USH2A: variants seen among roughly 807,000 people sequenced by gnomAD.
USH2A encodes usherin, also known as Usher syndrome 2A (autosomal recessive, mild).
In USH2A, 443 loss-of-function variants were observed where a neutral mutation model predicts 538.9. That is an observed-to-expected ratio of 0.82 (90% confidence interval 0.76 to 0.89). The LOEUF (loss-of-function observed/expected upper bound fraction) is 0.89, where lower values mean the gene tolerates loss of function less well. Ranked by LOEUF, USH2A falls within the 40% of genes least tolerant of loss-of-function variation. The probability of loss-of-function intolerance (pLI) is 0.00; values close to 1 mark genes in which losing one functional copy is unlikely to be tolerated. For synonymous variants in USH2A, 2,413 were observed against 2,273.5 expected, an observed-to-expected ratio of 1.06 and a Z score of -1.75; for missense variants, 6,633 against 6,324.8, an observed-to-expected ratio of 1.05 and a Z score of -1.65.
intron 55 of USH2A, among the ~76,000 whole-genome samples, chr1:215,772,237 TAA>T (rs1307808029): frequency 6.6e-6 from 1 of 152,064 alleles, no homozygotes; most frequent in African/African-American, 2.4e-5. Flanking sequence ...AAGAGGGAAA[TAA>T]AGAGATGTCT....
intron 35 of USH2A, 25 bp from the exon 36 acceptor site, chr1:215,970,801 A>G (rs773775303): frequency 1.2e-6 from 2 of 1,611,230 alleles, no homozygotes; most frequent in Non-Finnish European, 1.7e-6. Flanking sequence ...ATTGCCTTTC[A>G]GTATGACTAC....
At chr1:216,132,005 T>G (rs1313492086) in intron 21 of USH2A, among the ~76,000 whole-genome samples, 1 of 152,072 alleles carries the variant, frequency 6.6e-6, no homozygotes, top group Non-Finnish European at 1.5e-5. Flanking sequence ...TAGAAATGGG[T>G]TCTGAATCCA....
intron 51 of USH2A, 116 bp from the exon 52 acceptor site, chr1:215,786,990 A>C (rs1661821555): frequency 1.1e-6 from 1 of 932,192 alleles, no homozygotes; most frequent in African/African-American, 1.7e-5. Flanking sequence ...TACTTGATGA[A>C]TGAATATTTC....
In USH2A at chr1:216,175,493, G is replaced by A. The variant is rs761508203; in HGVS notation, c.4397-11C>T. The A allele has an allele frequency of 3.8e-5, 61 of 1,612,990 alleles. No homozygotes were observed. The highest frequency in any genetic ancestry group is 4.6e-5 in the Non-Finnish European group (54 of 1,179,392). ...TCAGTTGTGCTGGTGCTAAATATTA[G>A]AAAACACCTGTTATATTCAAGAATT... On this transcript the variant is annotated splice_polypyrimidine_tract_variant and intron_variant, in intron 20 of 71. Coordinates refer to ENST00000307340, the MANE Select transcript of USH2A (RefSeq NM_206933.4).
At chr1:215,780,721 T>C (rs111886288) in intron 54 of USH2A, among the ~76,000 whole-genome samples, 6 of 152,380 alleles carry the variant, frequency 3.9e-5, no homozygotes, top group African/African-American at 1.4e-4. Context: ...AGTGTGCCTA[T>C]GCAAAAAGCA....
At chr1:216,023,469 A>AC (rs1299635456) in intron 32 of USH2A, among the ~76,000 whole-genome samples, 1,764 of 148,240 alleles carry the variant, frequency 0.012, 47 homozygotes, top group African/African-American at 0.042. Flanking sequence ...CAAAAAAAAA[A>AC]AAAAAAAAAA....
At chr1:215,908,271 C>T (rs1426172548) in intron 38 of USH2A, among the ~76,000 whole-genome samples, 4 of 151,790 alleles carry the variant, frequency 2.6e-5, no homozygotes, top group Non-Finnish European at 5.9e-5. Flanking sequence ...TTGCTTTGTC[C>T]CATGATAAAC....
At chr1:215,690,095 A>G (rs1658553075) in intron 61 of USH2A, among the ~76,000 whole-genome samples, 1 of 152,218 alleles carries the variant, frequency 6.6e-6, no homozygotes, top group South Asian at 2.1e-4. Flanking sequence ...AGATGAATAG[A>G]CACAGAGGTG....
chr1:216,029,173 C>A (rs940251466), intron 32 of USH2A, among the ~76,000 whole-genome samples: 1 of 152,038 alleles, frequency 6.6e-6, no homozygotes, highest in East Asian at 1.9e-4. Flanking sequence ...AAAATTAAGA[C>A]TCTCTCCACC....
At chr1:215,702,992 G>C (rs1287645427) in intron 61 of USH2A, among the ~76,000 whole-genome samples, 1 of 151,964 alleles carries the variant, frequency 6.6e-6, no homozygotes, top group Non-Finnish European at 1.5e-5. Flanking sequence ...GGATGGGGTT[G>C]TTTCATTGTC....
chr1:216,407,201 T>A (rs72733367), intron 3 of USH2A, among the ~76,000 whole-genome samples: 4,570 of 152,260 alleles, frequency 0.03, 104 homozygotes, highest in Non-Finnish European at 0.046. Flanking sequence ...TATTTCTTTG[T>A]CCTTCTAGAA....
chr1:215,875,715 T>C (rs1664744581), intron 43 of USH2A, among the ~76,000 whole-genome samples: 1 of 151,802 alleles, frequency 6.6e-6, no homozygotes, highest in Non-Finnish European at 1.5e-5. Context: ...TTCAGTAATG[T>C]TAAAGAGTCA....
At chr1:215,632,997 C>G (rs962785116) in intron 70 of USH2A, among the ~76,000 whole-genome samples, 3 of 152,136 alleles carry the variant, frequency 2.0e-5, no homozygotes, top group African/African-American at 7.2e-5. Flanking sequence ...AAGAGGCCCA[C>G]AAGATCATTG....
In USH2A at chr1:215,780,025, G is replaced by T; in HGVS notation, c.10757C>A (p.Thr3586Asn). The change falls in exon 55 of 72, where the codon ACC becomes AAC. Residue 3586 changes from threonine (T) to asparagine (N), a missense_variant. Physicochemically the swap from Thr to Asn is moderately conservative, Grantham distance 65. Coordinates refer to ENST00000307340, the MANE Select transcript of USH2A (RefSeq NM_206933.4). ...CAGGATGCTCTCCGGAACTCCTTGGGTAGTAGCTGCAACTACCTGAAGACG... is the reference window on the plus strand; with the variant it reads ...CAGGATGCTCTCCGGAACTCCTTGGTTAGTAGCTGCAACTACCTGAAGACG... ...ATSSKVVAAT[T>N]QGVPESILPP... The T allele has an allele frequency of 6.2e-7, 1 of 1,614,112 alleles. No individual in the cohort carries two copies. The highest frequency in any genetic ancestry group is 1.3e-5 in the African/African-American group (1 of 75,030).
intron 36 of USH2A, among the ~76,000 whole-genome samples, chr1:215,965,923 T>TCACA (rs34484768): frequency 0.18 from 25,479 of 142,372 alleles, 2,324 homozygotes; most frequent in Non-Finnish European, 0.21. Context: ...CTCTTCTCTG[T>TCACA]CACACACACA....
At chr1:215,865,403 GCA>G (rs2102439048) in intron 44 of USH2A, among the ~76,000 whole-genome samples, 1 of 152,234 alleles carries the variant, frequency 6.6e-6, no homozygotes, top group East Asian at 1.9e-4. Flanking sequence ...GTTTTTATAA[GCA>G]CAGTTACTTC....
intron 21 of USH2A, among the ~76,000 whole-genome samples, chr1:216,141,865 T>A (rs1456206948): frequency 6.6e-6 from 1 of 151,330 alleles, no homozygotes; most frequent in Non-Finnish European, 1.5e-5. Flanking sequence ...ACCCACCAAC[T>A]ATTACTGAAC....
At chr1:215,883,803 T>C (rs549607255) in intron 41 of USH2A, among the ~76,000 whole-genome samples, 1 of 152,308 alleles carries the variant, frequency 6.6e-6, no homozygotes, top group Admixed American at 6.5e-5. Context: ...GGCTTTAAAG[T>C]AAGTTTACAT....
chr1:215,828,450 A>G (rs560960859), intron 47 of USH2A, among the ~76,000 whole-genome samples: 4 of 152,184 alleles, frequency 2.6e-5, no homozygotes, highest in Non-Finnish European at 5.9e-5. Flanking sequence ...CAACAACAAC[A>G]ACAAAAAAGA....
Sources: allele counts gnomAD v4.1 joint callset (sites outside exome capture counted in the v4.1 genomes callset), GRCh38; gene constraint gnomAD v4.1.1; transcripts MANE v1.5; gene names NCBI Gene and HGNC (gene_info 2026-07-23, HGNC 2026-07-21).